The following EPHA4 variants were observed in gnomAD, a reference collection of about 807,000 sequenced individuals.
The protein encoded by EPHA4 is ephrin type-A receptor 4.
EPHA4 carries 19 observed loss-of-function variants against 108.3 expected under a neutral mutation model. That is an observed-to-expected ratio of 0.18 (90% CI 0.12 to 0.26). The LOEUF (loss-of-function observed/expected upper bound fraction) is 0.26, where lower values mean the gene tolerates loss of function less well. Among genes scored for constraint, EPHA4 ranks in the 10% least tolerant of loss-of-function variants. EPHA4 has a pLI of 1.00. For synonymous variants in EPHA4, 449 were observed against 455.5 expected, an observed-to-expected ratio of 0.99 and a Z score of 0.18; for missense variants, 917 against 1,254.0, an observed-to-expected ratio of 0.73 and a Z score of 4.06.
At chr2:221,443,103 C>T (rs904473802) in intron 10 of EPHA4, 89 bp from the exon 11 acceptor site, 55 of 1,372,322 alleles carry the variant, frequency 4.0e-5, no homozygotes, top group Middle Eastern at 2.6e-4. Context: ...GCTTGTTACA[C>T]GCCAGGCTGT....
Position 221,442,988 on chromosome 2 carries a change from G to T in EPHA4, c.1915C>A (p.Arg639Ser), listed in dbSNP as rs904777556. Reference sequence around the variant, plus strand: ...TCTCTCTTGCCAGGCACTTTGAGACGCCCACTGCATACCTCACCAAATTCA... The same window carrying T: ...TCTCTCTTGCCAGGCACTTTGAGACTCCCACTGCATACCTCACCAAATTCA... Reference protein sequence around the residue: ...VGEFGEVCSGRLKVPGKREIC... With the variant: ...VGEFGEVCSGSLKVPGKREIC... Residue 639 changes from arginine (R) to serine (S), a missense_variant, in exon 11 of 18, where the codon CGT becomes AGT. Around this residue, in one of 3 missense-constraint regions of EPHA4, gnomAD observed 758 missense variants for 1,076.7 expected, o/e 0.70. Transcript: ENST00000281821. 1 of 1,614,024 alleles carries T rather than the reference G, an allele frequency of 6.2e-7. No individual in the cohort carries two copies. The highest frequency in any genetic ancestry group is 1.7e-5 in the Admixed American group (1 of 60,000).
chr2:221,435,561 A>T (rs1423428773), intron 13 of EPHA4, among the ~76,000 whole-genome samples: 5 of 152,186 alleles, frequency 3.3e-5, no homozygotes, highest in Non-Finnish European at 7.3e-5. Flanking sequence ...GAAGAGTGTT[A>T]AAAGGGGAAA....
chr2:221,530,679 A>G (rs1574638517), intron 3 of EPHA4, among the ~76,000 whole-genome samples: 9 of 152,182 alleles, frequency 5.9e-5, no homozygotes, highest in Admixed American at 6.5e-5. Flanking sequence ...GGCTTTGGGT[A>G]TATGATTTGG....
chr2:221,458,735 C>T (rs1691041838), intron 5 of EPHA4, among the ~76,000 whole-genome samples: 2 of 152,164 alleles, frequency 1.3e-5, no homozygotes, highest in Admixed American at 1.3e-4. Flanking sequence ...GATTTATACA[C>T]CCAGGCTGCC....
chr2:221,499,126 C>T (rs1249229828), intron 4 of EPHA4, among the ~76,000 whole-genome samples: 1 of 151,222 alleles, frequency 6.6e-6, no homozygotes, highest in East Asian at 1.9e-4. Context: ...CCCTAGGATT[C>T]TCCCTAACTC....
chr2:221,443,397 A>G, intron 10 of EPHA4, 96 bp downstream of exon 10: 1 of 886,146 alleles, frequency 1.1e-6, no homozygotes, highest in Non-Finnish European at 1.8e-6. Flanking sequence ...ATACACACAT[A>G]TAATATACTC....
intron 4 of EPHA4, among the ~76,000 whole-genome samples, chr2:221,498,979 C>T (rs370793232): frequency 5.9e-5 from 9 of 151,442 alleles, no homozygotes; most frequent in Admixed American, 2.0e-4. Context: ...TTAGTGGAGA[C>T]GGAGTTTTGC....
intron 3 of EPHA4, among the ~76,000 whole-genome samples, chr2:221,560,525 C>G: frequency 6.6e-6 from 1 of 152,120 alleles, no homozygotes; most frequent in East Asian, 1.9e-4. Flanking sequence ...TATCTTTAGC[C>G]TTGATATCAA....
chr2:221,566,933 A>G lies in EPHA4; in HGVS notation c.159+1785T>C, dbSNP rs1292529663. On this transcript the variant is annotated intron_variant, in intron 2 of 17. Transcript: ENST00000281821. ...GAGAAGGAGAAGGAGAAGGAGAAGG[A>G]GAAGGAGAAGGAGAAGGAGAAGGGG... is the stretch of plus-strand genomic sequence containing the variant. Among the ~76,000 whole-genome samples the G allele has an allele frequency of 5.3e-4, 24 of 44,900 alleles. 2 individuals are homozygous for G. Among genetic ancestry groups the G allele is most frequent in the South Asian group, 1.3e-3 (2 of 1,564 alleles). 29.5% of individuals were successfully genotyped at this position (44,900 alleles called of 152,430 possible).
intron 5 of EPHA4, 46 bp downstream of exon 5, chr2:221,482,306 C>T (rs1574600023): frequency 1.4e-6 from 2 of 1,447,924 alleles, no homozygotes; most frequent in East Asian, 4.6e-5. Context: ...TAAGCCTTTT[C>T]TCTGTATACA....
intron 5 of EPHA4, among the ~76,000 whole-genome samples, chr2:221,471,791 T>C (rs1164408726): frequency 3.3e-5 from 5 of 152,190 alleles, no homozygotes; most frequent in Admixed American, 1.3e-4. Context: ...CTTCTTAAAT[T>C]TTCTGTCCAC....
chr2:221,523,611 TGA>T (rs1489089988), intron 3 of EPHA4, among the ~76,000 whole-genome samples: 1 of 140,540 alleles, frequency 7.1e-6, no homozygotes, highest in Non-Finnish European at 1.5e-5. Flanking sequence ...TAACTTTTTT[TGA>T]GACAGAGCCT....
chr2:221,544,489 C>A (rs1160894127), intron 3 of EPHA4, among the ~76,000 whole-genome samples: 1 of 152,140 alleles, frequency 6.6e-6, no homozygotes, highest in East Asian at 1.9e-4. Context: ...CCAGGCCCTA[C>A]TAATTTTTGT....
At chr2:221,429,733 T>A (rs1183735932) in intron 15 of EPHA4, among the ~76,000 whole-genome samples, 1 of 152,158 alleles carries the variant, frequency 6.6e-6, no homozygotes, top group African/African-American at 2.4e-5. Flanking sequence ...TATTATTTTT[T>A]AAAGTTTTTT....
chr2:221,472,177 T>G (rs752862688), intron 5 of EPHA4, among the ~76,000 whole-genome samples: 32 of 152,066 alleles, frequency 2.1e-4, no homozygotes, highest in Non-Finnish European at 3.7e-4. Flanking sequence ...AGCTTTCTGC[T>G]GGTTACATAT....
chr2:221,468,453 G>A (rs992480917), intron 5 of EPHA4, among the ~76,000 whole-genome samples: 1 of 152,114 alleles, frequency 6.6e-6, no homozygotes, highest in Non-Finnish European at 1.5e-5. Flanking sequence ...TTCCAAATCT[G>A]GAAAATAAAA....
chr2:221,561,815 CG>C (rs1277153069), intron 3 of EPHA4, among the ~76,000 whole-genome samples: 2 of 152,084 alleles, frequency 1.3e-5, no homozygotes, highest in Non-Finnish European at 2.9e-5. Context: ...ATTAGATACA[CG>C]AAGATGTGCT....
rs369326575 is a variant in EPHA4 at position 221,499,715 on chromosome 2, AATATATATATATAT to A, written c.979+1288_979+1301del. ...AATAGTCATAATGATAACTAAAACT[AATATATATATATAT>A]ATATATATATATATATATATATATA... On this transcript the variant is annotated intron_variant, in intron 4 of 17. Coordinates refer to ENST00000281821, the MANE Select transcript of EPHA4 (RefSeq NM_004438.5). Among the ~76,000 whole-genome samples the A allele has an allele frequency of 2.3e-3, 111 of 48,434 alleles. 2 individuals are homozygous for A. The highest frequency in any genetic ancestry group is 4.3e-3 in the African/African-American group (52 of 12,224). 31.8% of individuals were successfully genotyped at this position (48,434 alleles called of 152,430 possible). A position where few individuals can be genotyped will look rare whatever the true frequency, so the allele number is the denominator to read the frequency against.
intron 5 of EPHA4, among the ~76,000 whole-genome samples, chr2:221,476,424 T>C (rs1370677953): frequency 2.0e-5 from 3 of 152,208 alleles, no homozygotes; most frequent in African/African-American, 7.2e-5. Context: ...GATTATGCAA[T>C]AGTCTTGTTG....
Sources: allele counts gnomAD v4.1 joint callset (sites outside exome capture counted in the v4.1 genomes callset), GRCh38; gene constraint gnomAD v4.1.1; regional missense constraint gnomAD v4.1.1; transcripts MANE v1.5; gene names NCBI Gene and HGNC (gene_info 2026-07-23, HGNC 2026-07-21).